The following RNF150 variants were observed in gnomAD, a reference collection of about 807,000 sequenced individuals.
The protein encoded by RNF150 is ring finger protein 150.
In RNF150, 24 loss-of-function variants were observed where a neutral mutation model predicts 39.3. That is an observed-to-expected ratio of 0.61 (90% CI 0.44 to 0.86). The LOEUF is 0.86. Among genes scored for constraint, RNF150 ranks in the 40% least tolerant of loss-of-function variants. The pLI is 0.00. For synonymous variants in RNF150, 255 were observed against 227.3 expected, an observed-to-expected ratio of 1.12 and a Z score of -1.10; for missense variants, 502 against 587.8, an observed-to-expected ratio of 0.85 and a Z score of 1.51.
At chr4:141,074,293 G>T (rs1737813939) in intron 1 of RNF150, among the ~76,000 whole-genome samples, 1 of 151,292 alleles carries the variant, frequency 6.6e-6, no homozygotes. Context: ...ACCACGGAGT[G>T]TTAATAAGAC....
At chr4:141,193,118 A>G (rs1465353424) in intron 1 of RNF150, among the ~76,000 whole-genome samples, 3 of 152,174 alleles carry the variant, frequency 2.0e-5, no homozygotes, top group South Asian at 4.1e-4. Flanking sequence ...TGTTTCATTC[A>G]TATATCTTAT....
intron 1 of RNF150, among the ~76,000 whole-genome samples, chr4:140,994,643 T>C (rs1734305535): frequency 6.6e-6 from 1 of 152,114 alleles, no homozygotes; most frequent in Non-Finnish European, 1.5e-5. Context: ...TGAGGAAACC[T>C]AGGCTATAAC....
At chr4:140,956,953 T>C (rs1451916265) in intron 2 of RNF150, among the ~76,000 whole-genome samples, 2 of 150,684 alleles carry the variant, frequency 1.3e-5, no homozygotes, top group Non-Finnish European at 3.0e-5. Flanking sequence ...ATAAAAACCC[T>C]AGAAGAAAAC....
At chr4:140,970,480 A>G (rs1429299895) in intron 1 of RNF150, among the ~76,000 whole-genome samples, 4 of 82,592 alleles carry the variant, frequency 4.8e-5, no homozygotes, top group African/African-American at 1.3e-4. Flanking sequence ...CTCCCCACCC[A>G]TACAATATTC....
chr4:141,169,257 G>A (rs996740128), intron 1 of RNF150, among the ~76,000 whole-genome samples: 8 of 151,974 alleles, frequency 5.3e-5, no homozygotes, highest in Admixed American at 3.9e-4. Flanking sequence ...TTCCTGCTCT[G>A]GGCATGTAGG....
chr4:141,051,429 AC>A (rs1736773488), intron 1 of RNF150, among the ~76,000 whole-genome samples: 1 of 152,308 alleles, frequency 6.6e-6, no homozygotes, highest in East Asian at 1.9e-4. Context: ...AAATTTCCAA[AC>A]TTTTATGCTA....
rs551883468 is a variant in RNF150 at position 141,116,198 on chromosome 4, A to G, written c.484+16127T>C. On this transcript the variant is annotated intron_variant, in intron 1 of 6. Transcript: ENST00000515673. ...AGTAAAAGAAACTATCATCAGAGTGAACAGGCAACCTACAAAATGGGAGAA... is the reference window on the plus strand; with the variant it reads ...AGTAAAAGAAACTATCATCAGAGTGGACAGGCAACCTACAAAATGGGAGAA... Among the ~76,000 whole-genome samples the G allele has an allele frequency of 4.6e-5, 7 of 152,372 alleles. No individual in the cohort carries two copies. The South Asian group carries it at 1.4e-3, about 32-fold the overall frequency.
At chr4:141,103,871 A>AT (rs1739104540) in intron 1 of RNF150, among the ~76,000 whole-genome samples, 1 of 152,192 alleles carries the variant, frequency 6.6e-6, no homozygotes, top group Non-Finnish European at 1.5e-5. Flanking sequence ...CACTAGGATG[A>AT]TTCTATTTTC....
intron 1 of RNF150, among the ~76,000 whole-genome samples, chr4:141,107,228 G>C (rs564801527): frequency 6.6e-6 from 1 of 152,174 alleles, no homozygotes; most frequent in Non-Finnish European, 1.5e-5. Context: ...ATTAAAATAA[G>C]TGTGAATTCT....
At position 141,132,856 on chromosome 4, in the gene RNF150, C is replaced by T; in HGVS notation, c.-48G>A. ...CCCGCCCCCGCGCCCTCCCTCCGTC[C>T]CGTCCCTCCTCCCCAGCCCCGGCCA... On this transcript the variant is annotated 5_prime_UTR_variant, in exon 1 of 7. Transcript: ENST00000515673. The surrounding 1 kb of genome is among the most constrained non-coding windows in gnomAD (Gnocchi z 4.9). 6.7e-7 allele frequency: 1 copy of T among 1,502,220 alleles called. No homozygotes were observed. Among genetic ancestry groups the T allele is most frequent in the Non-Finnish European group, 9.2e-7 (1 of 1,091,932 alleles). The allele number at this position is 1,502,220 out of a possible 1,614,324, so 93.1% of individuals were successfully genotyped here.
intron 6 of RNF150, among the ~76,000 whole-genome samples, chr4:140,874,876 G>C (rs2111191160): frequency 6.6e-6 from 1 of 152,200 alleles, no homozygotes; most frequent in African/African-American, 2.4e-5. Context: ...TGTTGACTGG[G>C]CTGGTCTTGA....
At chr4:141,068,630 A>C (rs1737557990) in intron 1 of RNF150, among the ~76,000 whole-genome samples, 1 of 151,566 alleles carries the variant, frequency 6.6e-6, no homozygotes, top group South Asian at 2.1e-4. Flanking sequence ...ATGGCATTGA[A>C]TCTATAAATT....
At chr4:141,112,216 G>T (rs986256433) in intron 1 of RNF150, among the ~76,000 whole-genome samples, 4 of 152,244 alleles carry the variant, frequency 2.6e-5, no homozygotes, top group Admixed American at 2.6e-4. Flanking sequence ...GGGGCATTTA[G>T]CCCATTTACA....
At chr4:141,120,718 G>T (rs1398211326) in intron 1 of RNF150, among the ~76,000 whole-genome samples, 1 of 152,198 alleles carries the variant, frequency 6.6e-6, no homozygotes, top group African/African-American at 2.4e-5. Context: ...AGTAGTAAGT[G>T]AGGGAAGTGG....
chr4:140,912,315 G>T (rs1034048415), intron 5 of RNF150, among the ~76,000 whole-genome samples: 11 of 152,148 alleles, frequency 7.2e-5, no homozygotes, highest in Non-Finnish European at 1.5e-5. Flanking sequence ...TTTCTAAAAG[G>T]TGGTGGTGGA....
chr4:141,134,570 A>G (rs1726993963), upstream of RNF150, among the ~76,000 whole-genome samples: 1 of 152,218 alleles, frequency 6.6e-6, no homozygotes, highest in Non-Finnish European at 1.5e-5. Context: ...GCAGCAGTAC[A>G]AACAGCTGAT....
chr4:141,105,846 T>C (rs948815970), intron 1 of RNF150, among the ~76,000 whole-genome samples: 2 of 152,180 alleles, frequency 1.3e-5, no homozygotes, highest in Admixed American at 1.3e-4. Flanking sequence ...AACCAATGTT[T>C]CCTATACACA....
At chr4:140,935,072 T>TATATATAATATATATAATAA (rs2111344060) in intron 4 of RNF150, among the ~76,000 whole-genome samples, 1 of 80,872 alleles carries the variant, frequency 1.2e-5, no homozygotes, top group East Asian at 2.9e-4. Flanking sequence ...ATATATAATA[T>TATATATAATATATATAATAA]ATATATAATA....
chr4:140,957,012 A>G (rs1435768159), intron 2 of RNF150, among the ~76,000 whole-genome samples: 2 of 149,898 alleles, frequency 1.3e-5, no homozygotes, highest in Non-Finnish European at 3.0e-5. Context: ...CTTCATGTCT[A>G]AAACACCAAA....
Sources: allele counts gnomAD v4.1 joint callset (sites outside exome capture counted in the v4.1 genomes callset), GRCh38; gene constraint gnomAD v4.1.1; non-coding constraint Gnocchi (gnomAD v3.1); transcripts MANE v1.5; gene names NCBI Gene and HGNC (gene_info 2026-07-23, HGNC 2026-07-21).